The following ITPKB variants were observed in gnomAD, a reference collection of about 807,000 sequenced individuals.
The protein encoded by ITPKB is inositol-trisphosphate 3-kinase B, also known as IP3 3-kinase B.
Under a neutral mutation model 69.4 loss-of-function variants are expected in ITPKB, and 13 were observed. That is an observed-to-expected ratio of 0.19 (90% confidence interval 0.12 to 0.30). The LOEUF (loss-of-function observed/expected upper bound fraction) is 0.30, where lower values mean the gene tolerates loss of function less well. Ranked by LOEUF, ITPKB falls within the 10% of genes least tolerant of loss-of-function variation. The pLI, the probability that ITPKB is intolerant of heterozygous loss-of-function variation, is 1.00. For missense variants in ITPKB, 1,240 were observed against 1,250.5 expected (o/e 0.99, Z 0.13); for synonymous variants, 584 against 513.7 (o/e 1.14, Z -1.85).
At chr1:226,691,140 T>C (rs1283245626) in intron 2 of ITPKB, among the ~76,000 whole-genome samples, 1 of 152,104 alleles carries the variant, frequency 6.6e-6, no homozygotes, top group African/African-American at 2.4e-5. Flanking sequence ...ATGGTGGTGA[T>C]GGCTGCGTGA....
rs1571833346 is a variant in ITPKB at position 226,637,989 on chromosome 1, C to T, written c.2554-239G>A. 1.3e-5 allele frequency among the ~76,000 whole-genome samples: 2 copies of T among 152,334 alleles called. No individual in the cohort carries two copies. Among genetic ancestry groups the T allele is most frequent in the South Asian group, 4.1e-4 (2 of 4,830 alleles). ...GAACCACAAATATCTCTCCCAGTGCCCTCTCCATGGAGCCCTATAAACCCA... is the reference window on the plus strand; with the variant it reads ...GAACCACAAATATCTCTCCCAGTGCTCTCTCCATGGAGCCCTATAAACCCA... On this transcript the variant is annotated intron_variant, in intron 6 of 7. Transcript: ENST00000429204. This position sits in a 1 kb window ranked among gnomAD's most constrained non-coding sequence, Gnocchi z 4.3.
Position 226,642,297 on chromosome 1 carries a change from A to G in ITPKB, c.2247-172T>C, listed in dbSNP as rs1046209032. On this transcript the variant is annotated intron_variant, in intron 4 of 7. Transcript: ENST00000429204. This position sits in a 1 kb window ranked among gnomAD's most constrained non-coding sequence, Gnocchi z 6.4. The stretch of plus-strand genomic sequence containing the variant: ...CCGAGGGGACGGCAGACTCTGTTCC[A>G]GCTGGGGCTGGCTCTAATTTTTCTT... 2.7e-5 allele frequency among the ~76,000 whole-genome samples: 4 copies of G among 150,848 alleles called. No individual in the cohort carries two copies. The highest frequency in any genetic ancestry group is 5.9e-5 in the Non-Finnish European group (4 of 67,844).
chr1:226,702,799 A>G (rs1466171742), intron 2 of ITPKB, among the ~76,000 whole-genome samples: 1 of 152,188 alleles, frequency 6.6e-6, no homozygotes, highest in Non-Finnish European at 1.5e-5. Flanking sequence ...ACTGCATTCC[A>G]ATAGTGGCTT....
At chr1:226,689,080 G>A (rs1168803747) in intron 2 of ITPKB, among the ~76,000 whole-genome samples, 1 of 152,160 alleles carries the variant, frequency 6.6e-6, no homozygotes, top group African/African-American at 2.4e-5. Flanking sequence ...CCTAAAGAAA[G>A]CCACTGGGAT....
At chr1:226,713,919 G>A (rs532507229) in intron 2 of ITPKB, among the ~76,000 whole-genome samples, 1 of 152,262 alleles carries the variant, frequency 6.6e-6, no homozygotes, top group East Asian at 1.9e-4. Flanking sequence ...CTGAGGGCTT[G>A]TGACCTGGTC....
intron 2 of ITPKB, among the ~76,000 whole-genome samples, chr1:226,684,618 T>C (rs940627649): frequency 1.3e-5 from 2 of 152,220 alleles, no homozygotes; most frequent in Non-Finnish European, 2.9e-5. Flanking sequence ...TAGAGAACAC[T>C]GGTGAACCAG....
intron 2 of ITPKB, among the ~76,000 whole-genome samples, chr1:226,664,729 T>C (rs1421527824): frequency 1.3e-5 from 2 of 152,202 alleles, no homozygotes; most frequent in African/African-American, 4.8e-5. Context: ...CAGGCAGTCG[T>C]CATTTGAATC....
At chr1:226,692,484 T>G (rs1263096510) in intron 2 of ITPKB, among the ~76,000 whole-genome samples, 1 of 152,218 alleles carries the variant, frequency 6.6e-6, no homozygotes, top group African/African-American at 2.4e-5. Flanking sequence ...GGGGGTAAAC[T>G]TCTAAAGAAA....
chr1:226,658,404 G>A (rs1047149545), intron 2 of ITPKB, among the ~76,000 whole-genome samples: 6 of 152,172 alleles, frequency 3.9e-5, no homozygotes, highest in East Asian at 1.9e-4. Flanking sequence ...GGCCAAAAGC[G>A]AAACCTGCCC....
At chr1:226,737,739 G>C (rs1284152902) in intron 1 of ITPKB, 76 bp from the exon 2 acceptor site, 2 of 273,398 alleles carry the variant, frequency 7.3e-6, no homozygotes, top group Non-Finnish European at 1.2e-5. Context: ...GCAGAACCCA[G>C]AGAGAGCCCC....
chr1:226,654,646 C>T lies in ITPKB; in HGVS notation c.1933-5875G>A, dbSNP rs371983145. On this transcript the variant is annotated intron_variant, in intron 2 of 7. Transcript: ENST00000429204. Reference sequence around the variant, plus strand: ...CACCTCCAGCCCATCCTTGGAGCTGCCCCGAGCCAGTGGGGCTGCCTGGGG... The same window carrying T: ...CACCTCCAGCCCATCCTTGGAGCTGTCCCGAGCCAGTGGGGCTGCCTGGGG... Among the ~76,000 whole-genome samples the T allele has an allele frequency of 9.2e-5, 14 of 152,294 alleles. No homozygotes were observed. In the East Asian group the frequency reaches 2.1e-3, roughly 23 times the overall value.
At chr1:226,709,203 C>T (rs575200280) in intron 2 of ITPKB, among the ~76,000 whole-genome samples, 2 of 152,360 alleles carry the variant, frequency 1.3e-5, no homozygotes, top group South Asian at 2.1e-4. Flanking sequence ...TGCCCAGTTA[C>T]GTTTGGATTT....
intron 2 of ITPKB, among the ~76,000 whole-genome samples, chr1:226,688,712 C>T (rs1327735231): frequency 6.6e-6 from 1 of 152,224 alleles, no homozygotes; most frequent in Non-Finnish European, 1.5e-5. Context: ...CCCCTTTCAC[C>T]TGGCATTTGG....
chr1:226,634,796 C>T lies in ITPKB; in HGVS notation c.2716G>A (p.Glu906Lys). ...IDFGKTTPLP[E>K]GQTLQHDVPW... ...ACGTCATGCTGCAGGGTCTGGCCCTCAGGCAGGGGCGTGGTTTTCCCAAAG... is the reference window on the plus strand; with the variant it reads ...ACGTCATGCTGCAGGGTCTGGCCCTTAGGCAGGGGCGTGGTTTTCCCAAAG... The change falls in exon 8 of 8, where the codon GAG becomes AAG. Residue 906 changes from glutamate (E) to lysine (K), a missense_variant. Glu to Lys is a moderately conservative substitution (Grantham distance 56). Around this residue, in one of 2 missense-constraint regions of ITPKB, gnomAD observed 248 missense variants for 396.7 expected, o/e 0.63. Coordinates refer to ENST00000429204, the MANE Select transcript of ITPKB (RefSeq NM_002221.4). This position sits in a 1 kb window ranked among gnomAD's most constrained non-coding sequence, Gnocchi z 6.3. 1 of 1,603,382 alleles carries T rather than the reference C, an allele frequency of 6.2e-7. No individual in the cohort carries two copies. The highest frequency in any genetic ancestry group is 8.5e-7 in the Non-Finnish European group (1 of 1,170,218).
intron 2 of ITPKB, among the ~76,000 whole-genome samples, chr1:226,697,987 C>G (rs1400891345): frequency 6.6e-6 from 1 of 152,222 alleles, no homozygotes; most frequent in African/African-American, 2.4e-5. Flanking sequence ...ACTCTCCAGA[C>G]AGATGGAAGG....
At chr1:226,723,305 G>A (rs547225490) in intron 2 of ITPKB, among the ~76,000 whole-genome samples, 2 of 152,234 alleles carry the variant, frequency 1.3e-5, no homozygotes, top group South Asian at 4.2e-4. Context: ...CCAGGGTGAC[G>A]CACAGTGTAC....
intron 2 of ITPKB, among the ~76,000 whole-genome samples, chr1:226,650,459 G>T (rs751395277): frequency 2.0e-5 from 3 of 152,244 alleles, no homozygotes; most frequent in Non-Finnish European, 2.9e-5. Flanking sequence ...GCCAAAGAAG[G>T]CTAGAGCCAG....
At chr1:226,667,626 A>G (rs1221494837) in intron 2 of ITPKB, among the ~76,000 whole-genome samples, 1 of 152,100 alleles carries the variant, frequency 6.6e-6, no homozygotes, top group Non-Finnish European at 1.5e-5. Context: ...CAATCAGACC[A>G]CCCACATTTT....
At chr1:226,716,677 G>A (rs997518236) in intron 2 of ITPKB, among the ~76,000 whole-genome samples, 4 of 152,080 alleles carry the variant, frequency 2.6e-5, no homozygotes, top group Admixed American at 6.6e-5. Flanking sequence ...GTACCAAAAC[G>A]GAAAAATATT....
Sources: allele counts gnomAD v4.1 joint callset (sites outside exome capture counted in the v4.1 genomes callset), GRCh38; gene constraint gnomAD v4.1.1; regional missense constraint gnomAD v4.1.1; non-coding constraint Gnocchi (gnomAD v3.1); transcripts MANE v1.5; gene names NCBI Gene and HGNC (gene_info 2026-07-23, HGNC 2026-07-21).